GALNS: variants seen among roughly 807,000 people sequenced by gnomAD.
GALNS encodes the protein galactosamine (N-acetyl)-6-sulfatase, also known as N-acetylgalactosamine-6-sulfatase.
In GALNS, 65 loss-of-function variants were observed where a neutral mutation model predicts 65.9. The observed-to-expected ratio is 0.99, with a 90% CI of 0.81 to 1.21. GALNS has a LOEUF of 1.21. Ranked by LOEUF, GALNS falls within the 50% of genes most tolerant of loss-of-function variation. The pLI is 0.00. For missense variants in GALNS, 776 were observed against 700.7 expected (o/e 1.11, Z -1.21); for synonymous variants, 346 against 288.9 (o/e 1.20, Z -2.00).
chr16:88,850,690 C>T (rs986004646), intron 1 of GALNS, among the ~76,000 whole-genome samples: 1 of 152,184 alleles, frequency 6.6e-6, no homozygotes, highest in Non-Finnish European at 1.5e-5. Context: ...CCAGCCGCAG[C>T]GTGGAACCCT....
intron 12 of GALNS, among the ~76,000 whole-genome samples, chr16:88,819,385 T>C (rs1234720360): frequency 6.6e-6 from 1 of 152,330 alleles, no homozygotes; most frequent in East Asian, 1.9e-4. Flanking sequence ...ACAGGGTCCA[T>C]TTTTAATCCA....
At chr16:88,819,611 C>A (rs1263159545) in intron 12 of GALNS, among the ~76,000 whole-genome samples, 1 of 152,212 alleles carries the variant, frequency 6.6e-6, no homozygotes, top group Non-Finnish European at 1.5e-5. Flanking sequence ...CAGCTCACTG[C>A]AGCCTTGACC....
intron 8 of GALNS, among the ~76,000 whole-genome samples, chr16:88,832,676 G>C (rs909975015): frequency 6.6e-6 from 1 of 152,210 alleles, no homozygotes; most frequent in Non-Finnish European, 1.5e-5. Context: ...GGGGTGGGGG[G>C]CCCACGTCAG....
At chr16:88,846,610 C>T (rs1338299426) in intron 1 of GALNS, among the ~76,000 whole-genome samples, 2 of 149,098 alleles carry the variant, frequency 1.3e-5, no homozygotes, top group East Asian at 2.0e-4. Flanking sequence ...TGCACGATCT[C>T]GGCTCACGGC....
intron 5 of GALNS, 53 bp from the exon 6 acceptor site, chr16:88,836,320 C>T (rs1912137137): frequency 4.9e-6 from 7 of 1,427,896 alleles, no homozygotes; most frequent in South Asian, 1.2e-5. Context: ...AAGAAAGTCC[C>T]GTTCTCCCTG....
At chr16:88,832,406 C>A (rs1370709969) in intron 8 of GALNS, among the ~76,000 whole-genome samples, 1 of 152,226 alleles carries the variant, frequency 6.6e-6, no homozygotes, top group South Asian at 2.1e-4. Context: ...GTGCCACGTG[C>A]GCAGCTGCCG....
At position 88,835,751 on chromosome 16, in the gene GALNS, G is replaced by A; in HGVS notation, c.732C>T (p.Pro244=). The change falls in exon 7 of 14, where the codon CCC becomes CCT. Residue 244 remains proline (P), a synonymous_variant. Transcript: ENST00000268695. ...ATHAPVYASK[P]FLGTSQRGRY... ...GCCCTCGCTGACTGGTGCCCAAGAA[G>A]GGTTTGGAGGCATAGACGGGTGCGT... 1 of 1,614,138 alleles carries A rather than the reference G, an allele frequency of 6.2e-7. No homozygotes were observed. Among genetic ancestry groups the A allele is most frequent in the Non-Finnish European group, 8.5e-7 (1 of 1,180,034 alleles).
chr16:88,845,658 C>T (rs939276531), intron 1 of GALNS: 12 of 151,268 alleles, frequency 7.9e-5, no homozygotes, highest in African/African-American at 2.9e-4. Flanking sequence ...GCAGGAGAAT[C>T]GCTTCAACCC....
At chr16:88,844,573 C>T (rs1184725573) in intron 1 of GALNS, 2 of 152,298 alleles carry the variant, frequency 1.3e-5, no homozygotes, top group Non-Finnish European at 2.9e-5. Flanking sequence ...CCAACCAAGA[C>T]ACCAGTGAAG....
At chr16:88,838,302 G>A (rs982845392) in intron 4 of GALNS, among the ~76,000 whole-genome samples, 2 of 152,172 alleles carry the variant, frequency 1.3e-5, no homozygotes, top group African/African-American at 4.8e-5. Flanking sequence ...GGCGTTGTGT[G>A]CCGTGCGGGA....
chr16:88,854,073 G>T (rs1281088855), intron 1 of GALNS, among the ~76,000 whole-genome samples: 1 of 152,250 alleles, frequency 6.6e-6, no homozygotes, highest in Non-Finnish European at 1.5e-5. Flanking sequence ...AGCCACAGAG[G>T]ACTGGATAGG....
At chr16:88,834,061 CCA>C (rs1348018473) in intron 8 of GALNS, among the ~76,000 whole-genome samples, 1 of 152,142 alleles carries the variant, frequency 6.6e-6, no homozygotes, top group African/African-American at 2.4e-5. Context: ...CTGTAGCCCT[CCA>C]CACATGGGTC....
chr16:88,856,906 C>T lies in GALNS; in HGVS notation c.-29G>A. The T allele has an allele frequency of 6.7e-7, 1 of 1,498,538 alleles. No homozygotes were observed. Among genetic ancestry groups the T allele is most frequent in the East Asian group, 2.8e-5 (1 of 36,134 alleles). The allele number at this position is 1,498,538 out of a possible 1,614,324, so 92.8% of individuals were successfully genotyped here. The stretch of plus-strand genomic sequence containing the variant: ...AACCACGGGAGCCGCGGAGCCCCGG[C>T]CAGCGAGCCGACCTAGCGAGCGTCC... On this transcript the variant is annotated 5_prime_UTR_variant, in exon 1 of 14. Transcript: ENST00000268695.
chr16:88,835,645 G>T, intron 7 of GALNS, 80 bp downstream of exon 7: 1 of 1,597,630 alleles, frequency 6.3e-7, no homozygotes, highest in South Asian at 1.1e-5. Context: ...TAAATGCCAC[G>T]GTACTGAGTG....
chr16:88,833,814 G>A (rs1911781381), intron 8 of GALNS, among the ~76,000 whole-genome samples: 1 of 152,206 alleles, frequency 6.6e-6, no homozygotes, highest in African/African-American at 2.4e-5. Context: ...CTGGGTGTGT[G>A]GGTTCTCATC....
chr16:88,849,447 T>C (rs113518501), intron 1 of GALNS, among the ~76,000 whole-genome samples: 7,960 of 152,166 alleles, frequency 0.052, 253 homozygotes, highest in Middle Eastern at 0.14. Context: ...ACCAAGCTCA[T>C]CTAATTTTTG....
In GALNS at chr16:88,830,085, G is replaced by T. The variant is rs191510390; in HGVS notation, c.1002+1913C>A. On this transcript the variant is annotated intron_variant, in intron 9 of 13. Transcript: ENST00000268695. ...GTCTCTACTAAAAATACAAAAATTA[G>T]CCGGGCATGGTAGAGCATGCCTGTA... Among the ~76,000 whole-genome samples the T allele has an allele frequency of 1.2e-4, 18 of 152,208 alleles. No individual in the cohort carries two copies. In the East Asian group the frequency reaches 2.9e-3, roughly 24 times the overall value.
chr16:88,818,467 TCAC>T (rs2142984041), intron 12 of GALNS, among the ~76,000 whole-genome samples: 1 of 152,336 alleles, frequency 6.6e-6, no homozygotes, highest in African/African-American at 2.4e-5. Flanking sequence ...TCCCCAGCAC[TCAC>T]TACTACGTAA....
intron 12 of GALNS, among the ~76,000 whole-genome samples, chr16:88,819,059 C>T (rs529484586): frequency 1.1e-3 from 167 of 152,364 alleles, no homozygotes; most frequent in Middle Eastern, 3.4e-3. Flanking sequence ...CCCGGACCCA[C>T]TGAAGCCCAG....
Sources: allele counts gnomAD v4.1 joint callset (sites outside exome capture counted in the v4.1 genomes callset), GRCh38; gene constraint gnomAD v4.1.1; transcripts MANE v1.5; gene names NCBI Gene and HGNC (gene_info 2026-07-23, HGNC 2026-07-21).